Variants in PIK3CB observed in about 807,000 individuals in gnomAD.
PIK3CB encodes the protein phosphatidylinositol-4,5-bisphosphate 3-kinase catalytic subunit beta, also known as phosphatidylinositol 4,5-bisphosphate 3-kinase catalytic subunit beta isoform.
A neutral mutation model predicts 136.8 loss-of-function variants in PIK3CB; 39 were observed. The observed-to-expected ratio is 0.29, with a 90% CI of 0.22 to 0.37. The LOEUF is 0.37. Ranked by LOEUF, PIK3CB falls within the 10% of genes least tolerant of loss-of-function variation. PIK3CB has a pLI of 1.00. For synonymous variants in PIK3CB, 428 were observed against 436.6 expected (o/e 0.98, Z 0.25); for missense variants, 868 against 1,275.4 (o/e 0.68, Z 4.87).
intron 1 of PIK3CB, among the ~76,000 whole-genome samples, chr3:138,830,754 T>C (rs1933990810): frequency 7.1e-6 from 1 of 141,396 alleles, no homozygotes; most frequent in Non-Finnish European, 1.5e-5. Context: ...ACAAAAAAAT[T>C]AGCCGGGCGT....
intron 5 of PIK3CB, among the ~76,000 whole-genome samples, chr3:138,740,228 G>A (rs566648276): frequency 2.0e-5 from 3 of 152,138 alleles, no homozygotes; most frequent in East Asian, 3.9e-4. Context: ...GCGTGGTGGT[G>A]CCTGTCTATA....
intron 2 of PIK3CB, among the ~76,000 whole-genome samples, chr3:138,760,170 G>A (rs936632651): frequency 2.6e-5 from 4 of 152,172 alleles, no homozygotes; most frequent in South Asian, 4.2e-4. Context: ...TGATCCGCCC[G>A]CCTTGGCCTC....
intron 1 of PIK3CB, among the ~76,000 whole-genome samples, chr3:138,833,173 T>C (rs1359755941): frequency 6.9e-6 from 1 of 145,390 alleles, no homozygotes; most frequent in African/African-American, 2.6e-5. Context: ...TTCAAGGGAT[T>C]CTCCTGCCTC....
At chr3:138,762,406 T>A (rs2045675036) in intron 2 of PIK3CB, among the ~76,000 whole-genome samples, 1 of 152,248 alleles carries the variant, frequency 6.6e-6, no homozygotes, top group African/African-American at 2.4e-5. Flanking sequence ...ATTGTCAACA[T>A]GCTTTTTAAA....
At chr3:138,712,828 A>T (rs916587684) in intron 9 of PIK3CB, among the ~76,000 whole-genome samples, 1 of 152,166 alleles carries the variant, frequency 6.6e-6, no homozygotes, top group Non-Finnish European at 1.5e-5. Context: ...AAGCCTCTTA[A>T]AGTGTTGGAA....
At chr3:138,765,501 T>C (rs1319446196) in intron 2 of PIK3CB, among the ~76,000 whole-genome samples, 2 of 151,976 alleles carry the variant, frequency 1.3e-5, no homozygotes, top group East Asian at 3.9e-4. Context: ...ATTTTACCAA[T>C]ACATAGATAA....
intron 2 of PIK3CB, among the ~76,000 whole-genome samples, chr3:138,763,080 AC>A (rs537083647): frequency 1.1e-4 from 17 of 151,032 alleles, no homozygotes; most frequent in South Asian, 8.4e-4. Context: ...ACTATGTCTA[AC>A]CAAGAGCTGC....
chr3:138,797,411 G>A (rs370341473), intron 1 of PIK3CB, among the ~76,000 whole-genome samples: 3 of 152,248 alleles, frequency 2.0e-5, no homozygotes, highest in Middle Eastern at 3.4e-3. Flanking sequence ...GGGGTCCTGC[G>A]TGACTGCACA....
intron 1 of PIK3CB, among the ~76,000 whole-genome samples, chr3:138,806,733 T>C (rs999800632): frequency 3.3e-5 from 5 of 152,102 alleles, no homozygotes; most frequent in Admixed American, 6.5e-5. Context: ...ATTAGGAGGA[T>C]AGTGAGAAAA....
intron 1 of PIK3CB, among the ~76,000 whole-genome samples, chr3:138,815,418 G>C (rs1290399267): frequency 8.9e-6 from 1 of 112,294 alleles, no homozygotes; most frequent in Non-Finnish European, 2.1e-5. Context: ...CTTAATGCCT[G>C]GTGTTACAAA....
In PIK3CB at chr3:138,672,947, G is replaced by A. The variant is rs527697590; in HGVS notation, c.2505-7744C>T. On this transcript the variant is annotated intron_variant, in intron 19 of 23. Coordinates refer to ENST00000674063, the MANE Select transcript of PIK3CB (RefSeq NM_006219.3). ...AAAAAAAAAGAGAGAGAGAGAAAGA[G>A]ATGAAAAAGAATAGAAAGTCTAAGC... Among the ~76,000 whole-genome samples the A allele has an allele frequency of 4.8e-5, 7 of 146,762 alleles. No individual in the cohort carries two copies. In the East Asian group the frequency reaches 1.2e-3, roughly 25 times the overall value.
chr3:138,832,337 G>C (rs557528727), intron 1 of PIK3CB, among the ~76,000 whole-genome samples: 9 of 152,240 alleles, frequency 5.9e-5, no homozygotes, highest in South Asian at 2.1e-4. Flanking sequence ...GTGTAAATTA[G>C]ATTTTTGCTT....
At chr3:138,806,207 C>T (rs1235992166) in intron 1 of PIK3CB, among the ~76,000 whole-genome samples, 2 of 152,052 alleles carry the variant, frequency 1.3e-5, no homozygotes, top group African/African-American at 4.8e-5. Flanking sequence ...GAGAAATCGG[C>T]CGGGTGAGGT....
At chr3:138,779,389 T>TTC (rs4035075) in intron 2 of PIK3CB, among the ~76,000 whole-genome samples, 7 of 29,162 alleles carry the variant, frequency 2.4e-4, no homozygotes, top group Admixed American at 1.0e-3. Flanking sequence ...CCCGGCCTTC[T>TTC]TTTTTTTTTT....
chr3:138,737,279 A>G (rs425901), intron 6 of PIK3CB, among the ~76,000 whole-genome samples: 100,002 of 150,908 alleles, frequency 0.66, 34,827 homozygotes, highest in East Asian at 0.98. Context: ...TGTAATCCCA[A>G]CTACTCGGGT....
intron 11 of PIK3CB, among the ~76,000 whole-genome samples, chr3:138,706,936 G>A (rs1441261718): frequency 1.3e-5 from 2 of 152,186 alleles, no homozygotes; most frequent in African/African-American, 4.8e-5. Context: ...GATTACAGGC[G>A]TGAACCACTG....
intron 14 of PIK3CB, 112 bp downstream of exon 14, chr3:138,694,674 C>A: frequency 9.1e-7 from 1 of 1,104,500 alleles, no homozygotes; most frequent in Admixed American, 2.5e-5. Context: ...ATGCTTTGAA[C>A]TGTGAATAAT....
chr3:138,826,635 GAA>G (rs1008249892), intron 1 of PIK3CB, among the ~76,000 whole-genome samples: 2 of 125,004 alleles, frequency 1.6e-5, no homozygotes. Context: ...AGTTTAATGA[GAA>G]AAAAAAAAAA....
chr3:138,813,232 C>T (rs1199579236), intron 1 of PIK3CB, among the ~76,000 whole-genome samples: 1 of 152,100 alleles, frequency 6.6e-6, no homozygotes, highest in Non-Finnish European at 1.5e-5. Flanking sequence ...TCAAGAGAAT[C>T]CCTCTGCTCT....
Sources: gnomAD v4.1 joint callset for allele counts (sites outside exome capture counted in the v4.1 genomes callset) on GRCh38, gnomAD v4.1.1 for gene constraint, MANE v1.5 for transcripts, NCBI Gene and HGNC (gene_info 2026-07-23, HGNC 2026-07-21) for gene names.